ZNF536: variants seen among roughly 807,000 people sequenced by gnomAD.
The protein encoded by ZNF536 is zinc finger protein 536.
Under a neutral mutation model 84.5 loss-of-function variants are expected in ZNF536, and 13 were observed. The ratio of observed to expected loss-of-function variants is 0.15; its 90% CI spans 0.10 to 0.24. The LOEUF (loss-of-function observed/expected upper bound fraction) is 0.24, where lower values mean the gene tolerates loss of function less well. ZNF536 is among the 10% of genes least tolerant of loss of function. ZNF536 has a pLI of 1.00. For synonymous variants in ZNF536, 811 were observed against 742.5 expected, an observed-to-expected ratio of 1.09 and a Z score of -1.50; for missense variants, 1,536 against 1,747.5, an observed-to-expected ratio of 0.88 and a Z score of 2.16.
In ZNF536 at chr19:30,292,230, T is replaced by C. The variant is rs184217424; in HGVS notation, c.-120+8089T>C. ...TCACATGTTACCTAACCAGGACACA[T>C]GTACCTGTCTGTGTGACTCCAAATC... is the stretch of plus-strand genomic sequence containing the variant. On this transcript the variant is annotated intron_variant, in intron 2 of 5. Transcript: ENST00000585628. Among the ~76,000 whole-genome samples, 975 of 152,318 alleles carry C rather than the reference T, an allele frequency of 6.4e-3. 44 individuals carry two copies. Among genetic ancestry groups the C allele is most frequent in the Admixed American group, 0.058 (893 of 15,298 alleles).
intron 1 of ZNF536, among the ~76,000 whole-genome samples, chr19:30,232,058 CT>C (rs72531195): frequency 0.04 from 5,813 of 147,024 alleles, 309 homozygotes; most frequent in African/African-American, 0.12. Context: ...ATCCCCCTCA[CT>C]TTTTTTTTTT....
chr19:30,492,357 G>A (rs2054543190), intron 2 of ZNF536, among the ~76,000 whole-genome samples: 1 of 152,066 alleles, frequency 6.6e-6, no homozygotes, highest in South Asian at 2.1e-4. Flanking sequence ...CACTACAATG[G>A]CATGTATCTC....
chr19:30,284,057 G>T (rs2045547427), intron 1 of ZNF536: 1 of 152,184 alleles, frequency 6.6e-6, no homozygotes. Flanking sequence ...TTTCTAACAG[G>T]TCTTATTTTT....
chr19:30,236,749 ATC>A, intron 1 of ZNF536, among the ~76,000 whole-genome samples: 1 of 152,286 alleles, frequency 6.6e-6, no homozygotes, highest in East Asian at 1.9e-4. Flanking sequence ...GGGTCTGGTC[ATC>A]TGGTTGGCAT....
At chr19:30,447,675 C>T (rs2148269973) in intron 2 of ZNF536, among the ~76,000 whole-genome samples, 1 of 152,300 alleles carries the variant, frequency 6.6e-6, no homozygotes, top group African/African-American at 2.4e-5. Flanking sequence ...AGCCAAGTGC[C>T]AGGTGTCCCA....
intron 2 of ZNF536, among the ~76,000 whole-genome samples, chr19:30,455,214 TA>T (rs962717367): frequency 2.0e-5 from 3 of 152,080 alleles, no homozygotes; most frequent in African/African-American, 2.4e-5. Context: ...AAATAAAAAA[TA>T]AAAAAAATTA....
intron 1 of ZNF536, among the ~76,000 whole-genome samples, chr19:30,404,014 T>G (rs1167442579): frequency 1.3e-5 from 2 of 148,594 alleles, no homozygotes; most frequent in Non-Finnish European, 3.0e-5. Context: ...TTCCTTTCCT[T>G]TCCTCTTTTT....
At chr19:30,691,689 G>A (rs1477834356) in intron 1 of ZNF536, among the ~76,000 whole-genome samples, 4 of 152,060 alleles carry the variant, frequency 2.6e-5, no homozygotes, top group African/African-American at 9.7e-5. Flanking sequence ...ATCTAAAACA[G>A]GCAATCAAGC....
intron 1 of ZNF536, among the ~76,000 whole-genome samples, chr19:30,629,085 T>G (rs1395126825): frequency 1.3e-5 from 2 of 152,202 alleles, no homozygotes; most frequent in African/African-American, 4.8e-5. Flanking sequence ...CTGCTATGTA[T>G]GGGGCTTAGA....
upstream of ZNF536, among the ~76,000 whole-genome samples, chr19:30,368,424 G>A (rs750929432): frequency 2.6e-4 from 39 of 152,146 alleles, no homozygotes; most frequent in Non-Finnish European, 4.3e-4. Context: ...TCACTACCTC[G>A]CTTGCCTTTG....
At chr19:30,639,115 G>T (rs1489432418) in intron 1 of ZNF536, among the ~76,000 whole-genome samples, 1 of 152,052 alleles carries the variant, frequency 6.6e-6, no homozygotes, top group Non-Finnish European at 1.5e-5. Context: ...TTACTCATTT[G>T]GTCGTATTTC....
At chr19:30,685,281 A>T (rs1385632625) in intron 1 of ZNF536, among the ~76,000 whole-genome samples, 3 of 152,196 alleles carry the variant, frequency 2.0e-5, no homozygotes, top group African/African-American at 7.2e-5. Flanking sequence ...AATGACAGTG[A>T]GTAGGGGGCT....
At position 30,265,377 on chromosome 19, in the gene ZNF536, C is replaced by T. The variant is rs3888102; in HGVS notation, c.-189-18695C>T. On this transcript the variant is annotated intron_variant, in intron 1 of 5. Transcript: ENST00000585628. ...TCCCCCATGTGCTCTTCCAACCTCC[C>T]GCTCCTGCAGGTCAGGAGGGACCTT... Among the ~76,000 whole-genome samples the T allele has an allele frequency of 3.5e-3, 526 of 152,278 alleles. 4 individuals carry two copies. The highest frequency in any genetic ancestry group is 0.012 in the African/African-American group (514 of 41,546).
chr19:30,546,979 T>C (rs2045583766), intron 3 of ZNF536, among the ~76,000 whole-genome samples: 1 of 152,196 alleles, frequency 6.6e-6, no homozygotes, highest in South Asian at 2.1e-4. Context: ...CAATAGAAGT[T>C]GGGGGTGTTG....
At chr19:30,585,352 A>G (rs577317701) in intron 1 of ZNF536, among the ~76,000 whole-genome samples, 3 of 152,312 alleles carry the variant, frequency 2.0e-5, no homozygotes, top group African/African-American at 7.2e-5. Flanking sequence ...GATTCTCAAA[A>G]TATTGTAGAA....
At chr19:30,385,389 T>G (rs1380614115) in intron 1 of ZNF536, among the ~76,000 whole-genome samples, 1 of 152,102 alleles carries the variant, frequency 6.6e-6, no homozygotes, top group East Asian at 1.9e-4. Flanking sequence ...CTGGTTGCAC[T>G]GGGGGGACAG....
intron 1 of ZNF536, among the ~76,000 whole-genome samples, chr19:30,678,911 G>C (rs988686999): frequency 2.0e-5 from 3 of 152,126 alleles, no homozygotes; most frequent in Non-Finnish European, 4.4e-5. Flanking sequence ...ACTCCAGCCT[G>C]GGTGACAGAG....
chr19:30,693,689 G>A (rs555996674), intron 1 of ZNF536, among the ~76,000 whole-genome samples: 5 of 152,148 alleles, frequency 3.3e-5, no homozygotes, highest in South Asian at 2.1e-4. Context: ...GCATTGAAAA[G>A]TTTATGCTTC....
chr19:30,485,763 C>T (rs1190239481), intron 2 of ZNF536, among the ~76,000 whole-genome samples: 1 of 152,032 alleles, frequency 6.6e-6, no homozygotes, highest in Non-Finnish European at 1.5e-5. Flanking sequence ...GTGCTATAAG[C>T]TTTGTAAAGT....
Sources: allele counts gnomAD v4.1 joint callset (sites outside exome capture counted in the v4.1 genomes callset), GRCh38; gene constraint gnomAD v4.1.1; transcripts MANE v1.5; gene names NCBI Gene and HGNC (gene_info 2026-07-23, HGNC 2026-07-21).